GLYATL2: variants seen among roughly 807,000 people sequenced by gnomAD.
GLYATL2 encodes glycine N-acyltransferase-like protein 2.
In GLYATL2, 25 loss-of-function variants were observed where a neutral mutation model predicts 21.4. That is an observed-to-expected ratio of 1.17 (90% CI 0.85 to 1.63). The LOEUF (loss-of-function observed/expected upper bound fraction) is 1.63. Among genes scored for constraint, GLYATL2 ranks in the 40% most tolerant of loss-of-function variants. The probability of loss-of-function intolerance (pLI) is 0.00; values close to 1 mark genes in which losing one functional copy is unlikely to be tolerated. For synonymous variants in GLYATL2, 114 were observed against 118.2 expected (o/e 0.96, Z 0.23); for missense variants, 361 against 343.3 (o/e 1.05, Z -0.41).
intron 1 of GLYATL2, among the ~76,000 whole-genome samples, chr11:58,843,324 A>G (rs1260622619): frequency 6.6e-6 from 1 of 152,170 alleles, no homozygotes; most frequent in African/African-American, 2.4e-5. Context: ...TTTTATGGGA[A>G]ACAGTTAGGG....
chr11:58,871,258 T>C (rs1259116777), intron 1 of GLYATL2, among the ~76,000 whole-genome samples: 1 of 151,868 alleles, frequency 6.6e-6, no homozygotes, highest in African/African-American at 2.4e-5. Flanking sequence ...GGAGGTAGAA[T>C]GATTTTATTT....
intron 2 of GLYATL2, 83 bp downstream of exon 2, chr11:58,839,452 T>A (rs1331164615): frequency 1.4e-6 from 1 of 724,374 alleles, no homozygotes; most frequent in Admixed American, 2.5e-5. Context: ...CATTCCCATC[T>A]CCCCATTAAG....
At position 58,885,820 on chromosome 11, in the gene GLYATL2, G is replaced by T. The variant is rs534911446; in HGVS notation, n.60+18336C>A. ...CCCTTTGAGGTGGCAGGGGTCACCT[G>T]CAGGGGCTGAAAGGAGGCCAATTTA... On this transcript the variant is annotated intron_variant and non_coding_transcript_variant, in intron 1 of 4. Coordinates refer to the GLYATL2 transcript ENST00000533636. Among the ~76,000 whole-genome samples the T allele has an allele frequency of 5.3e-5, 8 of 152,322 alleles. No homozygotes were observed. The South Asian group carries it at 1.7e-3, about 32-fold the overall frequency.
chr11:58,905,983 G>C (rs1256775661), upstream of GLYATL2, among the ~76,000 whole-genome samples: 1 of 152,226 alleles, frequency 6.6e-6, no homozygotes, highest in African/African-American at 2.4e-5. Context: ...TCCCTCCCGC[G>C]CGCCAGCCTG....
At chr11:58,874,881 C>G (rs1854197477) in intron 1 of GLYATL2, among the ~76,000 whole-genome samples, 1 of 152,150 alleles carries the variant, frequency 6.6e-6, no homozygotes. Context: ...CTAATGTTGA[C>G]AGTGGGGTGT....
At chr11:58,862,935 T>A (rs1259647505) in intron 1 of GLYATL2, among the ~76,000 whole-genome samples, 1 of 152,216 alleles carries the variant, frequency 6.6e-6, no homozygotes, top group Non-Finnish European at 1.5e-5. Flanking sequence ...CTAGTCTTTG[T>A]ATACTGGCTT....
intron 1 of GLYATL2, among the ~76,000 whole-genome samples, chr11:58,895,244 G>T (rs966573921): frequency 1.3e-5 from 2 of 152,210 alleles, no homozygotes; most frequent in African/African-American, 4.8e-5. Context: ...AAAGAGGAAG[G>T]AGGATTTTTT....
chr11:58,889,269 G>A (rs957892206), intron 1 of GLYATL2, among the ~76,000 whole-genome samples: 7 of 151,360 alleles, frequency 4.6e-5, no homozygotes, highest in Non-Finnish European at 7.4e-5. Context: ...TGTGTGTGGG[G>A]GTGTTATTTG....
At chr11:58,907,351 A>G (rs750957950), upstream of GLYATL2, 1 of 456,074 alleles carries the variant, frequency 2.2e-6, no homozygotes, top group Non-Finnish European at 4.4e-6. Context: ...TCCTTGCGAC[A>G]CTGGCCTGGA....
intron 1 of GLYATL2, among the ~76,000 whole-genome samples, chr11:58,862,498 C>T (rs188474763): frequency 6.6e-6 from 1 of 152,216 alleles, no homozygotes; most frequent in African/African-American, 2.4e-5. Flanking sequence ...CACTTTTTCT[C>T]ATTTTTTTCC....
In GLYATL2 at chr11:58,834,412, A is replaced by T; in HGVS notation, c.*17T>A. 1 of 1,546,624 alleles carries T rather than the reference A, an allele frequency of 6.5e-7. No individual in the cohort carries two copies. The highest frequency in any genetic ancestry group is 1.3e-5 in the South Asian group (1 of 79,492). On this transcript the variant is annotated 3_prime_UTR_variant, in exon 6 of 6. Coordinates refer to ENST00000287275, the MANE Select transcript of GLYATL2 (RefSeq NM_145016.4). ...TTTTTACTGATAAGAAAGATTTGAA[A>T]TGGACAGTGGAATCAATCAACAATA...
chr11:58,864,572 G>T (rs1329953943), intron 1 of GLYATL2, among the ~76,000 whole-genome samples: 2 of 149,080 alleles, frequency 1.3e-5, no homozygotes, highest in East Asian at 2.2e-4. Flanking sequence ...CAACACAAAG[G>T]TTGCCTGTCT....
chr11:58,856,278 G>A (rs912562393), intron 1 of GLYATL2, among the ~76,000 whole-genome samples: 9 of 152,110 alleles, frequency 5.9e-5, no homozygotes, highest in African/African-American at 2.2e-4. Context: ...TCTTGCTCAG[G>A]ATTAAGCTTT....
intron 1 of GLYATL2, among the ~76,000 whole-genome samples, chr11:58,882,449 T>G (rs1854356489): frequency 1.3e-5 from 2 of 152,304 alleles, no homozygotes; most frequent in African/African-American, 4.8e-5. Flanking sequence ...TTCTTATAAA[T>G]TTTTCTGAGT....
chr11:58,882,796 A>G (rs1854364567), intron 1 of GLYATL2, among the ~76,000 whole-genome samples: 1 of 152,234 alleles, frequency 6.6e-6, no homozygotes, highest in Admixed American at 6.5e-5. Flanking sequence ...AGCTTTCTAC[A>G]TATGGCTAGC....
At chr11:58,887,273 A>C (rs1854459070) in intron 1 of GLYATL2, among the ~76,000 whole-genome samples, 1 of 152,166 alleles carries the variant, frequency 6.6e-6, no homozygotes, top group African/African-American at 2.4e-5. Flanking sequence ...AAATAATGAA[A>C]TATACTGCAA....
chr11:58,866,438 AC>A (rs1380198312), intron 1 of GLYATL2, among the ~76,000 whole-genome samples: 3 of 148,810 alleles, frequency 2.0e-5, no homozygotes, highest in East Asian at 4.5e-4. Context: ...GACTGGATGA[AC>A]AACCCCTCCC....
At chr11:58,836,869 A>T (rs1206830856) in intron 5 of GLYATL2, 146 bp downstream of exon 5, 17 of 712,976 alleles carry the variant, frequency 2.4e-5, no homozygotes, top group Non-Finnish European at 3.6e-5. Flanking sequence ...CTCAGTACAC[A>T]GTTGCTAACA....
rs771150090 is a variant in GLYATL2, at chr11:58,837,117, A to C, written c.374T>G (p.Val125Gly). 6.2e-7 allele frequency: 1 copy of C among 1,613,822 alleles called. No homozygotes were observed. Among genetic ancestry groups the C allele is most frequent in the African/African-American group, 1.3e-5 (1 of 74,916 alleles). The change falls in exon 5 of 6, where the codon GTA (valine) becomes GGA (glycine). Residue 125 changes from valine to glycine, a missense_variant. Val to Gly is a moderately radical substitution (Grantham distance 109). Transcript: ENST00000287275. ...RKVATSKSVQ[V>G]DYMKTILFIP... is the part of the protein sequence containing the mutation. ...AAAGAGGATGGTTTTCATGTAATCT[A>C]CCTGCACTGATTTTGAAGTTGCAAC...
Sources: allele counts gnomAD v4.1 joint callset (sites outside exome capture counted in the v4.1 genomes callset), GRCh38; gene constraint gnomAD v4.1.1; transcripts MANE v1.5; gene names NCBI Gene and HGNC (gene_info 2026-07-23, HGNC 2026-07-21).